The following GATAD2A variants were observed in gnomAD, a reference collection of about 807,000 sequenced individuals.
GATAD2A encodes the protein transcriptional repressor p66-alpha.
In GATAD2A, 12 loss-of-function variants were observed where a neutral mutation model predicts 68.5. The observed-to-expected ratio is 0.18, with a 90% CI of 0.11 to 0.28. The LOEUF is 0.28. GATAD2A is among the 10% of genes least tolerant of loss of function. The pLI, the probability that GATAD2A is intolerant of heterozygous loss-of-function variation, is 1.00. For synonymous variants in GATAD2A, 410 were observed against 375.3 expected (o/e 1.09, Z -1.07); for missense variants, 755 against 868.5 (o/e 0.87, Z 1.64).
chr19:19,504,372 G>A (rs1279688808), intron 11 of GATAD2A, among the ~76,000 whole-genome samples: 6 of 152,184 alleles, frequency 3.9e-5, no homozygotes, highest in Non-Finnish European at 8.8e-5. Context: ...TCCTCCCCCA[G>A]GTGAACAAAT....
chr19:19,502,139 C>A, intron 10 of GATAD2A, 96 bp downstream of exon 10: 1 of 979,074 alleles, frequency 1.0e-6, no homozygotes, highest in Non-Finnish European at 1.6e-6. Context: ...CTGTCTGTCT[C>A]TCCCTGTTTC....
At chr19:19,403,120 T>G (rs1030784993), upstream of GATAD2A, among the ~76,000 whole-genome samples, 9 of 152,186 alleles carry the variant, frequency 5.9e-5, no homozygotes, top group African/African-American at 2.2e-4. Flanking sequence ...GAGAAAACTT[T>G]TAGAAAACAT....
intron 1 of GATAD2A, chr19:19,429,264 G>A (rs993232356): frequency 2.2e-5 from 22 of 982,458 alleles, no homozygotes; most frequent in Non-Finnish European, 2.5e-5. Flanking sequence ...GGGGGGGAGA[G>A]CTTGCCTGAG....
At chr19:19,422,616 C>T (rs1600083478) in intron 1 of GATAD2A, among the ~76,000 whole-genome samples, 1 of 152,316 alleles carries the variant, frequency 6.6e-6, no homozygotes, top group East Asian at 1.9e-4. Flanking sequence ...GCTCTTCTTG[C>T]ATCTTCCAAT....
intron 11 of GATAD2A, 105 bp downstream of exon 11, chr19:19,502,631 G>A (rs1194596192): frequency 4.6e-6 from 4 of 862,352 alleles, no homozygotes; most frequent in Non-Finnish European, 7.2e-6. Flanking sequence ...CCCCAGGCCC[G>A]CTTCCCAAGC....
chr19:19,428,907 C>G (rs991309027), intron 1 of GATAD2A, among the ~76,000 whole-genome samples: 1 of 152,130 alleles, frequency 6.6e-6, no homozygotes, highest in Admixed American at 6.5e-5. Context: ...CCCCGAAGCT[C>G]TGGACTCACC....
intron 1 of GATAD2A, among the ~76,000 whole-genome samples, chr19:19,394,811 A>T (rs2146884604): frequency 6.6e-6 from 1 of 152,336 alleles, no homozygotes; most frequent in South Asian, 2.1e-4. Context: ...GCAAGGCTGG[A>T]AGTCTTAGAT....
chr19:19,425,064 TAAA>T (rs529552728), intron 1 of GATAD2A, among the ~76,000 whole-genome samples: 1 of 96,126 alleles, frequency 1.0e-5, no homozygotes. Context: ...TGTGCAACAA[TAAA>T]AAAAAAAAAA....
intron 1 of GATAD2A, among the ~76,000 whole-genome samples, chr19:19,415,148 C>CTTT (rs57295102): frequency 3.8e-4 from 48 of 126,368 alleles, no homozygotes; most frequent in Middle Eastern, 4.2e-3. Context: ...GATGTCTTTA[C>CTTT]TTTTTTTTTT....
chr19:19,429,373 G>C (rs2053472228), intron 1 of GATAD2A: 1 of 265,060 alleles, frequency 3.8e-6, no homozygotes, highest in Non-Finnish European at 5.8e-6. Context: ...GAGTAGGCAG[G>C]CGTGCTGGGT....
intron 1 of GATAD2A, among the ~76,000 whole-genome samples, chr19:19,417,165 A>G (rs943810088): frequency 6.6e-6 from 1 of 152,210 alleles, no homozygotes; most frequent in Non-Finnish European, 1.5e-5. Flanking sequence ...ATCACCACAC[A>G]GTGAAGTGAC....
At chr19:19,403,000 T>C (rs1051849625), upstream of GATAD2A, among the ~76,000 whole-genome samples, 1 of 152,034 alleles carries the variant, frequency 6.6e-6, no homozygotes, top group Non-Finnish European at 1.5e-5. Context: ...CTGGAACTCC[T>C]GACCTCAGGT....
At chr19:19,430,976 G>GGTGTGTGTGTGTGTGTGTGT (rs71170687) in intron 1 of GATAD2A, among the ~76,000 whole-genome samples, 13 of 136,694 alleles carry the variant, frequency 9.5e-5, no homozygotes, top group African/African-American at 3.7e-4. Context: ...GTATGGTAGG[G>GGTGTGTGTGTGTGTGTGTGT]GTGTGTGTGT....
Position 19,481,441 on chromosome 19 carries a change from C to T in GATAD2A, c.270-10865C>T, listed in dbSNP as rs540030012. 4.6e-5 allele frequency among the ~76,000 whole-genome samples: 7 copies of T among 152,320 alleles called. No homozygotes were observed. The South Asian group carries it at 1.4e-3, about 32-fold the overall frequency. On this transcript the variant is annotated intron_variant, in intron 2 of 11. Transcript: ENST00000683918. The stretch of plus-strand genomic sequence containing the variant: ...CAGCTCCTGGGCTCAAGTGATCCTT[C>T]TGCCTCAGTCTCTTGAGTAGCTGGG...
chr19:19,502,086 C>CA (rs1375340639), intron 10 of GATAD2A, 43 bp downstream of exon 10: 1 of 1,428,140 alleles, frequency 7.0e-7, no homozygotes, highest in Non-Finnish European at 9.9e-7. Context: ...GCCCCCACCG[C>CA]AGCCCGTGAC....
intron 1 of GATAD2A, among the ~76,000 whole-genome samples, chr19:19,414,383 G>A (rs1600057003): frequency 6.6e-6 from 1 of 152,004 alleles, no homozygotes; most frequent in South Asian, 2.1e-4. Flanking sequence ...AAGGAATGAG[G>A]ATATATCCCT....
chr19:19,423,058 G>A (rs569725877), intron 1 of GATAD2A, among the ~76,000 whole-genome samples: 3 of 152,282 alleles, frequency 2.0e-5, no homozygotes, highest in Admixed American at 6.5e-5. Flanking sequence ...CCAGGCTGGC[G>A]TGCAGTGGCA....
At chr19:19,400,196 G>A (rs1420319567) in intron 1 of GATAD2A, among the ~76,000 whole-genome samples, 7 of 152,132 alleles carry the variant, frequency 4.6e-5, no homozygotes, top group Non-Finnish European at 1.0e-4. Flanking sequence ...GCACTTCTGA[G>A]CAGTTTGTGC....
intron 2 of GATAD2A, among the ~76,000 whole-genome samples, chr19:19,470,389 C>T (rs1237377948): frequency 6.6e-6 from 1 of 152,178 alleles, no homozygotes; most frequent in African/African-American, 2.4e-5. Flanking sequence ...CCGCCTCACC[C>T]TCCCAAATTG....
Sources: allele counts gnomAD v4.1 joint callset (sites outside exome capture counted in the v4.1 genomes callset), GRCh38; gene constraint gnomAD v4.1.1; transcripts MANE v1.5; gene names NCBI Gene and HGNC (gene_info 2026-07-23, HGNC 2026-07-21).